Variants in PRKCB observed in about 807,000 individuals in gnomAD.
PRKCB encodes the protein protein kinase C beta type.
Under a neutral mutation model 81.5 loss-of-function variants are expected in PRKCB, and 13 were observed. The ratio of observed to expected loss-of-function variants is 0.16; its 90% CI spans 0.10 to 0.25. PRKCB has a LOEUF of 0.25. Ranked by LOEUF, PRKCB falls within the 10% of genes least tolerant of loss-of-function variation. The probability of loss-of-function intolerance (pLI) is 1.00; values close to 1 mark genes in which losing one functional copy is unlikely to be tolerated. For synonymous variants in PRKCB, 335 were observed against 321.4 expected, an observed-to-expected ratio of 1.04 and a Z score of -0.45; for missense variants, 509 against 875.7, an observed-to-expected ratio of 0.58 and a Z score of 5.29.
intron 9 of PRKCB, among the ~76,000 whole-genome samples, chr16:24,140,185 A>G (rs192980284): frequency 2.1e-3 from 313 of 152,356 alleles, no homozygotes; most frequent in Middle Eastern, 6.8e-3. Flanking sequence ...TGTTTGGAAC[A>G]TTTCATCCGA....
At chr16:24,141,930 G>A (rs1348456005) in intron 9 of PRKCB, among the ~76,000 whole-genome samples, 3 of 152,208 alleles carry the variant, frequency 2.0e-5, no homozygotes, top group East Asian at 3.8e-4. Flanking sequence ...TATGGAGAAT[G>A]TGGGAAAGAA....
At chr16:24,096,699 A>C (rs888667134) in intron 7 of PRKCB, among the ~76,000 whole-genome samples, 4 of 123,130 alleles carry the variant, frequency 3.2e-5, no homozygotes, top group Non-Finnish European at 6.6e-5. Flanking sequence ...ATATATATAT[A>C]TATATATCCT....
intron 2 of PRKCB, among the ~76,000 whole-genome samples, chr16:23,854,346 C>G (rs1159925690): frequency 6.6e-6 from 1 of 152,160 alleles, no homozygotes; most frequent in Non-Finnish European, 1.5e-5. Context: ...CACATAACCT[C>G]AAGGCTTAGT....
intron 5 of PRKCB, among the ~76,000 whole-genome samples, chr16:24,059,677 T>A (rs1040717021): frequency 1.3e-5 from 2 of 151,908 alleles, no homozygotes; most frequent in Admixed American, 6.6e-5. Context: ...GAATAATAAT[T>A]ATTATTAGTA....
Position 24,040,937 on chromosome 16 carries a change from G to A in PRKCB, c.529+5390G>A, listed in dbSNP as rs141776546. ...GGGATTTGTAGTATCCCAGGAAACC[G>A]TATTGACATCATGATGCCCATAGGT... is the stretch of plus-strand genomic sequence containing the variant. On this transcript the variant is annotated intron_variant, in intron 5 of 16. Coordinates refer to ENST00000643927, the MANE Select transcript of PRKCB (RefSeq NM_002738.7). 1.5e-3 allele frequency among the ~76,000 whole-genome samples: 226 copies of A among 152,244 alleles called. 1 individual carries two copies. The highest frequency in any genetic ancestry group is 5.1e-3 in the African/African-American group (212 of 41,536).
At chr16:23,909,041 C>G (rs1441821589) in intron 2 of PRKCB, among the ~76,000 whole-genome samples, 1 of 152,192 alleles carries the variant, frequency 6.6e-6, no homozygotes, top group Non-Finnish European at 1.5e-5. Context: ...GTTTTGTTTA[C>G]AGAGCTAGGC....
chr16:24,151,729 G>T (rs1035463383), intron 9 of PRKCB: 1 of 448,714 alleles, frequency 2.2e-6, no homozygotes, highest in African/African-American at 2.0e-5. Context: ...GAATTGTTTG[G>T]CTTTCAAGAG....
chr16:23,982,869 C>T (rs191871359), intron 2 of PRKCB, among the ~76,000 whole-genome samples: 1 of 152,216 alleles, frequency 6.6e-6, no homozygotes, highest in Admixed American at 6.5e-5. Flanking sequence ...CCTACCTGGC[C>T]GTCAGACATT....
chr16:24,135,310 CTTTTTTTT>C (rs33975464), intron 9 of PRKCB, among the ~76,000 whole-genome samples: 1 of 112,276 alleles, frequency 8.9e-6, no homozygotes. Context: ...CTCAGTGTCC[CTTTTTTTT>C]TTTTTTTTTT....
At chr16:24,146,576 GCTGGGC>G (rs1433718041) in intron 9 of PRKCB, among the ~76,000 whole-genome samples, 5 of 152,172 alleles carry the variant, frequency 3.3e-5, no homozygotes, top group Non-Finnish European at 7.3e-5. Context: ...ATTATGCAAC[GCTGGGC>G]CACAGTCAGG....
intron 8 of PRKCB, among the ~76,000 whole-genome samples, chr16:24,118,548 G>T (rs1966761921): frequency 6.6e-6 from 1 of 152,160 alleles, no homozygotes; most frequent in African/African-American, 2.4e-5. Flanking sequence ...AGAGGAATCT[G>T]CAGTTTTAGC....
chr16:23,957,667 G>A (rs1236240193), intron 2 of PRKCB, among the ~76,000 whole-genome samples: 1 of 151,068 alleles, frequency 6.6e-6, no homozygotes, highest in African/African-American at 2.4e-5. Flanking sequence ...CCTCACCTTA[G>A]TATTTGTACC....
chr16:24,013,672 A>G (rs1199367853), intron 3 of PRKCB, among the ~76,000 whole-genome samples: 3 of 151,922 alleles, frequency 2.0e-5, no homozygotes, highest in Non-Finnish European at 4.4e-5. Context: ...TGATCACTCC[A>G]CACCTAGGAT....
chr16:23,869,355 A>C (rs945945421), intron 2 of PRKCB: 1 of 281,972 alleles, frequency 3.5e-6, no homozygotes, highest in African/African-American at 2.2e-5. Flanking sequence ...TAGCACGAGT[A>C]AGAGCTAAAC....
intron 5 of PRKCB, among the ~76,000 whole-genome samples, chr16:24,069,007 A>C (rs1228413268): frequency 6.6e-6 from 1 of 152,226 alleles, no homozygotes; most frequent in Non-Finnish European, 1.5e-5. Flanking sequence ...CAGACATTCT[A>C]TTAATTTATA....
In PRKCB at chr16:23,945,400, C is replaced by T. The variant is rs574977361; in HGVS notation, c.206-43108C>T. ...GGATGTCTTTTTAATTTCCTTCCCT[C>T]ATTTGTCACAGCCGTGAAAATACTT... On this transcript the variant is annotated intron_variant, in intron 2 of 16. Transcript: ENST00000643927. Among the ~76,000 whole-genome samples the T allele has an allele frequency of 3.3e-5, 5 of 152,314 alleles. No homozygotes were observed. In the South Asian group the frequency reaches 1.0e-3, roughly 32 times the overall value.
chr16:23,982,080 T>C (rs1462594720), intron 2 of PRKCB, among the ~76,000 whole-genome samples: 21 of 80,146 alleles, frequency 2.6e-4, no homozygotes, highest in South Asian at 4.7e-4. Flanking sequence ...TTCCCTTCCC[T>C]TTCCCTTCCC....
intron 7 of PRKCB, among the ~76,000 whole-genome samples, chr16:24,097,320 G>T (rs1311887356): frequency 6.6e-6 from 1 of 152,162 alleles, no homozygotes; most frequent in African/African-American, 2.4e-5. Flanking sequence ...GCAGGTGTGA[G>T]CCTCCGTGCC....
At chr16:24,087,923 G>C (rs1358814765) in intron 5 of PRKCB, among the ~76,000 whole-genome samples, 1 of 152,118 alleles carries the variant, frequency 6.6e-6, no homozygotes, top group African/African-American at 2.4e-5. Context: ...GTGTTCTCTG[G>C]ACCAGGACAC....
Sources: allele counts gnomAD v4.1 joint callset (sites outside exome capture counted in the v4.1 genomes callset), GRCh38; gene constraint gnomAD v4.1.1; transcripts MANE v1.5; gene names NCBI Gene and HGNC (gene_info 2026-07-23, HGNC 2026-07-21).